Variants in THSD4 observed in about 807,000 individuals in gnomAD.
The protein encoded by THSD4 is thrombospondin type-1 domain-containing protein 4.
THSD4 carries 69 observed loss-of-function variants against 119.0 expected under a neutral mutation model. The observed-to-expected ratio is 0.58, with a 90% CI of 0.48 to 0.71. The LOEUF is 0.71. Ranked by LOEUF, THSD4 falls within the 30% of genes least tolerant of loss-of-function variation. The probability of loss-of-function intolerance (pLI) is 0.00; values close to 1 mark genes in which losing one functional copy is unlikely to be tolerated. For missense variants in THSD4, 1,393 were observed against 1,391.1 expected (o/e 1.00, Z -0.02); for synonymous variants, 524 against 540.4 (o/e 0.97, Z 0.42).
chr15:71,681,715 ATAAC>A (rs995349192), intron 8 of THSD4, among the ~76,000 whole-genome samples: 1 of 151,122 alleles, frequency 6.6e-6, no homozygotes, highest in African/African-American at 2.4e-5. Flanking sequence ...ACATGCCTTT[ATAAC>A]TAACTGATAG....
In THSD4 at chr15:71,234,589, C is replaced by T. The variant is rs1005087994; in HGVS notation, c.465-8060C>T. Among the ~76,000 whole-genome samples the T allele has an allele frequency of 2.1e-4, 32 of 152,120 alleles. 2 individuals are homozygous for T. ...CCAAAGTCCTGGCGAGCCACCACAT[C>T]CAGCCTGCTAGTCAAACTCTTAATT... On this transcript the variant is annotated intron_variant, in intron 4 of 17. Transcript: ENST00000261862.
intron 6 of THSD4, among the ~76,000 whole-genome samples, chr15:71,395,920 C>A (rs1056788167): frequency 6.8e-6 from 1 of 148,144 alleles, no homozygotes; most frequent in Admixed American, 6.8e-5. Flanking sequence ...GAGAGACACA[C>A]ACACACACAC....
At chr15:71,669,629 G>A (rs924143516) in intron 8 of THSD4, among the ~76,000 whole-genome samples, 3 of 152,122 alleles carry the variant, frequency 2.0e-5, no homozygotes, top group Non-Finnish European at 4.4e-5. Flanking sequence ...CTGAATGTCT[G>A]ATGATCAATC....
chr15:71,430,705 C>T (rs765504710), intron 7 of THSD4, among the ~76,000 whole-genome samples: 8 of 134,460 alleles, frequency 5.9e-5, no homozygotes, highest in African/African-American at 1.4e-4. Flanking sequence ...TGCAGTGAGC[C>T]GAGATCGCAT....
chr15:71,351,549 C>A (rs1183815622), intron 6 of THSD4, among the ~76,000 whole-genome samples: 1 of 152,290 alleles, frequency 6.6e-6, no homozygotes. Context: ...TCTCCTGGTA[C>A]ACAAACTAAG....
intron 7 of THSD4, among the ~76,000 whole-genome samples, chr15:71,463,455 CCTT>C (rs1480477428): frequency 2.0e-5 from 3 of 152,196 alleles, no homozygotes; most frequent in African/African-American, 7.2e-5. Flanking sequence ...CCGCATTTCT[CCTT>C]CTTGTCCACA....
intron 4 of THSD4, among the ~76,000 whole-genome samples, chr15:71,228,759 G>A (rs2044037896): frequency 6.6e-6 from 1 of 152,154 alleles, no homozygotes; most frequent in Non-Finnish European, 1.5e-5. Flanking sequence ...TCGCCCTTAT[G>A]CCCCAGGTCA....
intron 4 of THSD4, among the ~76,000 whole-genome samples, chr15:71,227,116 T>C (rs2044023539): frequency 6.6e-6 from 1 of 152,222 alleles, no homozygotes; most frequent in South Asian, 2.1e-4. Context: ...TTTCTGCCTG[T>C]AGGTTAGGAA....
chr15:71,134,273 C>T (rs1003581268), intron 1 of THSD4, among the ~76,000 whole-genome samples: 8 of 152,214 alleles, frequency 5.3e-5, no homozygotes, highest in African/African-American at 1.9e-4. Context: ...GCCTGGGGCT[C>T]CAAGGTCAGC....
chr15:71,383,871 G>A (rs994550497), intron 6 of THSD4, among the ~76,000 whole-genome samples: 2 of 152,160 alleles, frequency 1.3e-5, no homozygotes, highest in African/African-American at 2.4e-5. Flanking sequence ...GAGGATGTAC[G>A]TAGTTTATAT....
intron 7 of THSD4, among the ~76,000 whole-genome samples, chr15:71,551,755 A>G (rs1407745681): frequency 6.6e-6 from 1 of 152,190 alleles, no homozygotes; most frequent in Non-Finnish European, 1.5e-5. Context: ...TTAGAGGCCT[A>G]GAGCCCAGCA....
At chr15:71,693,903 G>A (rs1428363184) in intron 8 of THSD4, among the ~76,000 whole-genome samples, 1 of 151,972 alleles carries the variant, frequency 6.6e-6, no homozygotes, top group Non-Finnish European at 1.5e-5. Context: ...AGTCCATTAA[G>A]CCTGTTTCCT....
chr15:71,548,593 A>G (rs2048876606), intron 7 of THSD4, among the ~76,000 whole-genome samples: 1 of 152,176 alleles, frequency 6.6e-6, no homozygotes, highest in Non-Finnish European at 1.5e-5. Context: ...CTTTTCACTT[A>G]TTAGTTACTC....
intron 3 of THSD4, among the ~76,000 whole-genome samples, chr15:71,192,800 T>C (rs1296864283): frequency 6.6e-6 from 1 of 152,138 alleles, no homozygotes; most frequent in Non-Finnish European, 1.5e-5. Context: ...TGCAGGACAA[T>C]ATGAATAAGG....
chr15:71,309,858 G>A (rs375219227), intron 6 of THSD4, among the ~76,000 whole-genome samples: 8 of 152,294 alleles, frequency 5.3e-5, no homozygotes, highest in South Asian at 4.1e-4. Flanking sequence ...CATGCAGGCC[G>A]TGTTACACAG....
intron 7 of THSD4, among the ~76,000 whole-genome samples, chr15:71,454,513 C>T (rs923128942): frequency 2.6e-5 from 4 of 152,162 alleles, no homozygotes; most frequent in Non-Finnish European, 5.9e-5. Flanking sequence ...AGCCCGAGGC[C>T]CCGCGTGTGA....
chr15:71,266,639 A>G (rs1228815380), intron 6 of THSD4, among the ~76,000 whole-genome samples: 2 of 152,054 alleles, frequency 1.3e-5, no homozygotes, highest in Non-Finnish European at 2.9e-5. Context: ...TAGGCTTCAG[A>G]AGGTGGGTAA....
chr15:71,345,523 T>C (rs902052155), intron 6 of THSD4, among the ~76,000 whole-genome samples: 44 of 152,124 alleles, frequency 2.9e-4, no homozygotes, highest in African/African-American at 9.9e-4. Flanking sequence ...AATCTGGAGG[T>C]AGCCAGTCTG....
chr15:71,267,226 C>A (rs1382679154), intron 6 of THSD4, among the ~76,000 whole-genome samples: 2 of 152,160 alleles, frequency 1.3e-5, no homozygotes, highest in South Asian at 4.1e-4. Context: ...GTCGGGTTAC[C>A]CACAAAGGGA....
Sources: allele counts gnomAD v4.1 joint callset (sites outside exome capture counted in the v4.1 genomes callset), GRCh38; gene constraint gnomAD v4.1.1; transcripts MANE v1.5; gene names NCBI Gene and HGNC (gene_info 2026-07-23, HGNC 2026-07-21).